Variants in KCNMA1 observed in about 807,000 individuals in gnomAD.
KCNMA1 encodes Calcium-activated potassium channel subunit alpha-1.
A neutral mutation model predicts 140.0 loss-of-function variants in KCNMA1; 29 were observed. The observed-to-expected ratio is 0.21, with a 90% CI of 0.15 to 0.28. KCNMA1 has a LOEUF of 0.28. Ranked by LOEUF, KCNMA1 falls within the 10% of genes least tolerant of loss-of-function variation. The probability of loss-of-function intolerance (pLI) is 1.00; values close to 1 mark genes in which losing one functional copy is unlikely to be tolerated. For synonymous variants in KCNMA1, 612 were observed against 611.9 expected (o/e 1.00, Z 0.00); for missense variants, 880 against 1,602.2 (o/e 0.55, Z 7.70).
At chr10:77,407,271 T>C (rs2096499133) in intron 1 of KCNMA1, among the ~76,000 whole-genome samples, 1 of 152,150 alleles carries the variant, frequency 6.6e-6, no homozygotes, top group South Asian at 2.1e-4. Context: ...ATCTTGTGCC[T>C]GGAGGAAGAG....
chr10:77,295,394 A>G (rs1239347490), intron 2 of KCNMA1, among the ~76,000 whole-genome samples: 4 of 152,114 alleles, frequency 2.6e-5, no homozygotes, highest in East Asian at 3.9e-4. Flanking sequence ...CATTTTTTAA[A>G]TGGGAAAATT....
intron 5 of KCNMA1, among the ~76,000 whole-genome samples, chr10:77,136,523 T>G (rs1366444631): frequency 6.6e-6 from 1 of 151,654 alleles, no homozygotes; most frequent in Admixed American, 6.6e-5. Flanking sequence ...CTAAAAATAA[T>G]TAAAATGGTA....
intron 1 of KCNMA1, among the ~76,000 whole-genome samples, chr10:77,423,799 G>A (rs1377273104): frequency 6.6e-6 from 1 of 152,176 alleles, no homozygotes; most frequent in Non-Finnish European, 1.5e-5. Context: ...TCACCCCAAG[G>A]CCCTTGAAAA....
chr10:77,131,426 C>A (rs1221101681), intron 5 of KCNMA1, among the ~76,000 whole-genome samples: 2 of 151,684 alleles, frequency 1.3e-5, no homozygotes, highest in East Asian at 3.9e-4. Flanking sequence ...CTACATATAA[C>A]CACATGGATG....
chr10:76,936,155 A>T (rs2060495769), intron 23 of KCNMA1, among the ~76,000 whole-genome samples: 1 of 152,224 alleles, frequency 6.6e-6, no homozygotes, highest in African/African-American at 2.4e-5. Context: ...TCTGCACCTG[A>T]GATTCTTGTG....
At chr10:77,564,169 A>G (rs1319375065) in intron 1 of KCNMA1, among the ~76,000 whole-genome samples, 1 of 152,238 alleles carries the variant, frequency 6.6e-6, no homozygotes, top group African/African-American at 2.4e-5. Context: ...ATGAGGATTC[A>G]CCAGCCTCCA....
intron 1 of KCNMA1, among the ~76,000 whole-genome samples, chr10:77,488,396 G>A (rs996538348): frequency 6.6e-6 from 1 of 152,216 alleles, no homozygotes; most frequent in South Asian, 2.1e-4. Flanking sequence ...CACCCACCTT[G>A]TGCCATTGGC....
intron 2 of KCNMA1, among the ~76,000 whole-genome samples, chr10:77,400,966 G>A (rs769551262): frequency 3.3e-5 from 5 of 151,428 alleles, no homozygotes; most frequent in Non-Finnish European, 5.9e-5. Context: ...AGTGCAGACC[G>A]TGCCCCACCA....
intron 19 of KCNMA1, 98 bp downstream of exon 19, chr10:77,001,309 C>A: frequency 8.9e-7 from 1 of 1,120,742 alleles, no homozygotes; most frequent in Non-Finnish European, 1.3e-6. Context: ...AAGAAGACAT[C>A]AGCCCGACTG....
chr10:77,479,666 A>T (rs184540308), intron 1 of KCNMA1, among the ~76,000 whole-genome samples: 1 of 152,324 alleles, frequency 6.6e-6, no homozygotes, highest in East Asian at 1.9e-4. Flanking sequence ...AGGTAAACCC[A>T]GGTGGCCAAG....
intron 1 of KCNMA1, among the ~76,000 whole-genome samples, chr10:77,607,537 A>G (rs1294894004): frequency 6.6e-6 from 1 of 152,128 alleles, no homozygotes; most frequent in African/African-American, 2.4e-5. Context: ...TGCAATCACA[A>G]AGGTCCTTCA....
intron 17 of KCNMA1, chr10:77,012,604 T>C (rs1298332941): frequency 2.1e-6 from 3 of 1,438,392 alleles, no homozygotes; most frequent in South Asian, 1.2e-5. Context: ...GGTTCCTCTG[T>C]CAAACCCCCT....
intron 3 of KCNMA1, among the ~76,000 whole-genome samples, chr10:77,195,911 T>G (rs897065206): frequency 3.3e-5 from 5 of 152,076 alleles, no homozygotes; most frequent in African/African-American, 7.2e-5. Flanking sequence ...ATCATACCAC[T>G]GCACTCCAGC....
chr10:76,879,832 A>G (rs2033871830), intron 29 of KCNMA1, among the ~76,000 whole-genome samples: 2 of 152,244 alleles, frequency 1.3e-5, no homozygotes, highest in African/African-American at 4.8e-5. Context: ...CTAACCTTTC[A>G]GAGAGGAGTA....
At chr10:77,490,746 C>T (rs144068532) in intron 1 of KCNMA1, among the ~76,000 whole-genome samples, 7 of 152,326 alleles carry the variant, frequency 4.6e-5, no homozygotes, top group African/African-American at 1.2e-4. Flanking sequence ...ACAGCTCTCA[C>T]AGGAGTAGGG....
intron 1 of KCNMA1, among the ~76,000 whole-genome samples, chr10:77,619,167 G>C (rs2090549459): frequency 6.6e-6 from 1 of 152,150 alleles, no homozygotes. Flanking sequence ...ATTTCATTTT[G>C]TTTATGACTT....
chr10:77,628,055 A>G (rs2092751076), intron 1 of KCNMA1, among the ~76,000 whole-genome samples: 1 of 150,298 alleles, frequency 6.7e-6, no homozygotes, highest in Non-Finnish European at 1.5e-5. Context: ...GACAGAGAGG[A>G]CTGTCCAGTC....
At chr10:77,448,313 T>A (rs912946796) in intron 1 of KCNMA1, among the ~76,000 whole-genome samples, 1 of 152,118 alleles carries the variant, frequency 6.6e-6, no homozygotes, top group African/African-American at 2.4e-5. Context: ...AGGGCCAACA[T>A]TTATCAGAAT....
chr10:77,179,371 C>A (rs2098783543), intron 5 of KCNMA1, among the ~76,000 whole-genome samples: 1 of 152,142 alleles, frequency 6.6e-6, no homozygotes, highest in Non-Finnish European at 1.5e-5. Context: ...GATCTCCAAG[C>A]TGCTGAGGGG....
Sources: gnomAD v4.1 joint callset for allele counts (sites outside exome capture counted in the v4.1 genomes callset) on GRCh38, gnomAD v4.1.1 for gene constraint, MANE v1.5 for transcripts, NCBI Gene and HGNC (gene_info 2026-07-23, HGNC 2026-07-21) for gene names.